The following LRRTM4 variants were observed in gnomAD, a reference collection of about 807,000 sequenced individuals.
The protein encoded by LRRTM4 is leucine-rich repeat transmembrane neuronal protein 4.
A neutral mutation model predicts 47.6 loss-of-function variants in LRRTM4; 25 were observed. The ratio of observed to expected loss-of-function variants is 0.53; its 90% CI spans 0.38 to 0.73. The LOEUF (loss-of-function observed/expected upper bound fraction) is 0.73, where lower values mean the gene tolerates loss of function less well. Among genes scored for constraint, LRRTM4 ranks in the 30% least tolerant of loss-of-function variants. LRRTM4 has a pLI of 0.00. For synonymous variants in LRRTM4, 311 were observed against 269.5 expected, an observed-to-expected ratio of 1.15 and a Z score of -1.51; for missense variants, 638 against 713.4, an observed-to-expected ratio of 0.89 and a Z score of 1.20.
At chr2:77,319,975 T>C (rs1677738955) in intron 3 of LRRTM4, among the ~76,000 whole-genome samples, 1 of 152,190 alleles carries the variant, frequency 6.6e-6, no homozygotes, top group African/African-American at 2.4e-5. Flanking sequence ...TTTTATTAAC[T>C]TTCAATAAAC....
At chr2:77,245,515 C>T (rs1341937556) in intron 3 of LRRTM4, among the ~76,000 whole-genome samples, 2 of 103,120 alleles carry the variant, frequency 1.9e-5, no homozygotes, top group African/African-American at 1.0e-4. Flanking sequence ...AAGACACTGC[C>T]TCAAAAAAAA....
At chr2:77,176,965 G>A (rs1040133707) in intron 3 of LRRTM4, among the ~76,000 whole-genome samples, 10 of 152,018 alleles carry the variant, frequency 6.6e-5, no homozygotes, top group East Asian at 1.9e-4. Context: ...CCAGTCCCAC[G>A]GCAGCTTCCA....
intron 3 of LRRTM4, among the ~76,000 whole-genome samples, chr2:77,142,161 T>C (rs1050426264): frequency 6.6e-6 from 1 of 152,186 alleles, no homozygotes; most frequent in Non-Finnish European, 1.5e-5. Flanking sequence ...TTTCTAAAAG[T>C]CTTCCTCGGT....
chr2:76,780,386 T>G (rs1674303617), intron 3 of LRRTM4, among the ~76,000 whole-genome samples: 1 of 152,200 alleles, frequency 6.6e-6, no homozygotes, highest in Non-Finnish European at 1.5e-5. Context: ...TCCCCATCAC[T>G]TTCAGGTACA....
At chr2:76,907,233 C>T (rs1269838129) in intron 3 of LRRTM4, among the ~76,000 whole-genome samples, 2 of 151,886 alleles carry the variant, frequency 1.3e-5, no homozygotes, top group African/African-American at 2.4e-5. Flanking sequence ...CAACCTGCTC[C>T]TGAATGACTA....
chr2:77,082,298 CTTATT>C lies in LRRTM4; in HGVS notation c.1552-333387_1552-333383del, dbSNP rs1195853994. Among the ~76,000 whole-genome samples, 22 of 152,022 alleles carry C rather than the reference CTTATT, an allele frequency of 1.4e-4. 1 individual carries two copies. The South Asian group carries it at 2.5e-3, about 17-fold the overall frequency. On this transcript the variant is annotated intron_variant, in intron 3 of 3. Transcript: ENST00000409884. ...TAATTCACGAACAATTTTTTTTACT[CTTATT>C]TTATTTCTTGGACACTTATGATGTG...
chr2:76,778,386 G>A (rs1674155581), intron 3 of LRRTM4, among the ~76,000 whole-genome samples: 1 of 140,284 alleles, frequency 7.1e-6, no homozygotes, highest in African/African-American at 2.9e-5. Flanking sequence ...AATCCATCTG[G>A]TCCTGGACTC....
chr2:77,219,561 T>A (rs1311380317), intron 3 of LRRTM4, among the ~76,000 whole-genome samples: 1 of 152,192 alleles, frequency 6.6e-6, no homozygotes, highest in African/African-American at 2.4e-5. Flanking sequence ...GAGGCTGATA[T>A]TTCTCATCTC....
At chr2:77,460,959 A>T (rs1235782862) in intron 3 of LRRTM4, among the ~76,000 whole-genome samples, 2 of 152,076 alleles carry the variant, frequency 1.3e-5, no homozygotes, top group African/African-American at 4.8e-5. Flanking sequence ...CATTAGAAAT[A>T]AAATATAGAC....
At chr2:77,471,226 T>C (rs1483078129) in intron 3 of LRRTM4, among the ~76,000 whole-genome samples, 1 of 152,172 alleles carries the variant, frequency 6.6e-6, no homozygotes, top group South Asian at 2.1e-4. Flanking sequence ...GCTGCTCAGG[T>C]AGTCATCATA....
At chr2:77,268,496 C>A (rs1676110862) in intron 3 of LRRTM4, among the ~76,000 whole-genome samples, 1 of 152,096 alleles carries the variant, frequency 6.6e-6, no homozygotes, top group African/African-American at 2.4e-5. Context: ...AGCTGAACTC[C>A]TGGAAGTCTT....
In LRRTM4 at chr2:77,037,164, G is replaced by T. The variant is rs183130564; in HGVS notation, c.1552-288248C>A. Among the ~76,000 whole-genome samples, 10 of 151,828 alleles carry T rather than the reference G, an allele frequency of 6.6e-5. No individual in the cohort carries two copies. The East Asian group carries it at 1.9e-3, about 29-fold the overall frequency. On this transcript the variant is annotated intron_variant, in intron 3 of 3. Coordinates refer to ENST00000409884, the MANE Select transcript of LRRTM4 (RefSeq NM_001134745.3). ...CATTTAGTTCACCAGAAGTATAAATGCACTAATATTTTATCCATTATATAT... is the reference window on the plus strand; with the variant it reads ...CATTTAGTTCACCAGAAGTATAAATTCACTAATATTTTATCCATTATATAT...
chr2:76,778,676 G>C (rs190082520), intron 3 of LRRTM4, among the ~76,000 whole-genome samples: 1 of 151,272 alleles, frequency 6.6e-6, no homozygotes, highest in Non-Finnish European at 1.5e-5. Context: ...TCTTGCTAGC[G>C]GTCTATCAAT....
chr2:77,350,089 G>T (rs1445118880), intron 3 of LRRTM4, among the ~76,000 whole-genome samples: 1 of 151,488 alleles, frequency 6.6e-6, no homozygotes, highest in African/African-American at 2.4e-5. Context: ...TTGGGAGGCC[G>T]AGGCGGGTGG....
chr2:76,796,327 GGCCT>G (rs537415406), intron 3 of LRRTM4, among the ~76,000 whole-genome samples: 1,517 of 122,796 alleles, frequency 0.012, 123 homozygotes, highest in Middle Eastern at 0.058. Context: ...AGCTCAAGGA[GGCCT>G]GCCTGCCTCT....
At chr2:77,316,794 C>T (rs1281337834) in intron 3 of LRRTM4, among the ~76,000 whole-genome samples, 2 of 152,132 alleles carry the variant, frequency 1.3e-5, no homozygotes, top group Non-Finnish European at 2.9e-5. Context: ...GATCCACCTG[C>T]CTTGGCCTCT....
intron 3 of LRRTM4, among the ~76,000 whole-genome samples, chr2:77,405,707 T>A (rs751118863): frequency 6.6e-6 from 1 of 152,094 alleles, no homozygotes; most frequent in Admixed American, 6.6e-5. Context: ...TGATAAGTGA[T>A]CTTAAAGGGA....
intron 3 of LRRTM4, among the ~76,000 whole-genome samples, chr2:77,051,160 T>C (rs1427629685): frequency 1.3e-5 from 2 of 151,936 alleles, no homozygotes; most frequent in African/African-American, 2.4e-5. Flanking sequence ...TGTCATCTAG[T>C]GGGCAAAGAT....
chr2:77,475,985 A>G (rs1677372538), intron 3 of LRRTM4, among the ~76,000 whole-genome samples: 1 of 152,010 alleles, frequency 6.6e-6, no homozygotes, highest in South Asian at 2.1e-4. Context: ...TTCATTCTAT[A>G]CCTTATCTCT....
Sources: gnomAD v4.1 joint callset for allele counts (sites outside exome capture counted in the v4.1 genomes callset) on GRCh38, gnomAD v4.1.1 for gene constraint, MANE v1.5 for transcripts, NCBI Gene and HGNC (gene_info 2026-07-23, HGNC 2026-07-21) for gene names.